Variants in ZNF845 observed in about 807,000 individuals in gnomAD.
ZNF845 encodes zinc finger protein 845.
Under a neutral mutation model 76.1 loss-of-function variants are expected in ZNF845, and 59 were observed. The observed-to-expected ratio is 0.78, with a 90% CI of 0.63 to 0.96. ZNF845 has a LOEUF of 0.96. ZNF845 is among the 40% of genes least tolerant of loss of function. The probability of loss-of-function intolerance (pLI) is 0.00; values close to 1 mark genes in which losing one functional copy is unlikely to be tolerated. For missense variants in ZNF845, 1,045 were observed against 1,172.8 expected, an observed-to-expected ratio of 0.89 and a Z score of 1.59; for synonymous variants, 361 against 386.9, an observed-to-expected ratio of 0.93 and a Z score of 0.78.
At chr19:53,338,993 G>A (rs1476733252) in intron 1 of ZNF845, among the ~76,000 whole-genome samples, 3 of 151,956 alleles carry the variant, frequency 2.0e-5, no homozygotes, top group Admixed American at 6.6e-5. Context: ...CCAGCTACTC[G>A]GGAAACTGAA....
chr19:53,345,670 T>G, intron 3 of ZNF845, 38 bp downstream of exon 3: 1 of 1,604,674 alleles, frequency 6.2e-7, no homozygotes, highest in Middle Eastern at 1.7e-4. Flanking sequence ...GGATGTGCCC[T>G]TGTGTATCTT....
At chr19:53,341,895 T>C (rs1419336931) in intron 2 of ZNF845, among the ~76,000 whole-genome samples, 1 of 152,156 alleles carries the variant, frequency 6.6e-6, no homozygotes, top group Non-Finnish European at 1.5e-5. Context: ...TCTTTAAGAA[T>C]AGGAAATCAA....
intron 3 of ZNF845, among the ~76,000 whole-genome samples, chr19:53,347,450 T>G (rs1341975505): frequency 5.9e-5 from 9 of 151,300 alleles, no homozygotes; most frequent in Middle Eastern, 3.4e-3. Context: ...CTGTTTTTTT[T>G]TTTTTTTTTC....
At chr19:53,344,354 A>G (rs2085278281) in intron 2 of ZNF845, among the ~76,000 whole-genome samples, 1 of 152,100 alleles carries the variant, frequency 6.6e-6, no homozygotes, top group South Asian at 2.1e-4. Context: ...CCTGGCCAAT[A>G]TGGTGAAACC....
intron 3 of ZNF845, among the ~76,000 whole-genome samples, chr19:53,350,556 C>A (rs1163287200): frequency 6.6e-6 from 1 of 152,120 alleles, no homozygotes; most frequent in Non-Finnish European, 1.5e-5. Flanking sequence ...TGGAAAAATA[C>A]TCCTTACTTT....
Position 53,352,041 on chromosome 19 carries a change from A to G in ZNF845, c.1366A>G (p.Arg456Gly), listed in dbSNP as rs1395751193. The G allele has an allele frequency of 1.9e-6, 3 of 1,613,622 alleles. No individual in the cohort carries two copies. Among genetic ancestry groups the G allele is most frequent in the Non-Finnish European group, 2.5e-6 (3 of 1,179,852 alleles). Residue 456 changes from arginine (R) to glycine (G), a missense_variant, in exon 4 of 4, where the codon AGA (arginine) becomes GGA (glycine). Arg to Gly is a moderately radical substitution (Grantham distance 125, BLOSUM62 -2). Coordinates refer to ENST00000458035, the MANE Select transcript of ZNF845 (RefSeq NM_138374.3). ...TTTCAGTTTCAAATCGAACCTTGAA[A>G]GACATAGGAGAATTCATACTGGAGA... Reference protein sequence around the residue: ...EAFSFKSNLERHRRIHTGEKP... With the variant: ...EAFSFKSNLEGHRRIHTGEKP...
chr19:53,345,405 C>T (rs1395790284), intron 2 of ZNF845, 101 bp from the exon 3 acceptor site: 2 of 1,597,104 alleles, frequency 1.3e-6, no homozygotes, highest in East Asian at 4.5e-5. Context: ...TCAGAACATT[C>T]ACTACAATTA....
Position 53,351,059 on chromosome 19 carries a change from A to C in ZNF845, c.384A>C (p.Gln128His). ...CGGGTAGTACAAACCGACATGATCA[A>C]AGGCATGCTGGAAACAAGCCTATTA... is the stretch of plus-strand genomic sequence containing the variant. ...QLTGSTNRHDQRHAGNKPIKD... is the reference protein window; with the variant it reads ...QLTGSTNRHDHRHAGNKPIKD... Residue 128 changes from glutamine (Q) to histidine (H), a missense_variant, in exon 4 of 4, where the codon CAA becomes CAC. Coordinates refer to ENST00000458035, the MANE Select transcript of ZNF845 (RefSeq NM_138374.3). 1 of 1,614,226 alleles carries C rather than the reference A, an allele frequency of 6.2e-7. No homozygotes were observed.
rs758468978 is a variant in ZNF845, at chr19:53,341,360, C to G, written c.15+38C>G. On this transcript the variant is annotated intron_variant, in intron 2 of 3. Coordinates refer to ENST00000458035, the MANE Select transcript of ZNF845 (RefSeq NM_138374.3). Reference sequence around the variant, plus strand: ...GTTGGGTGGATTGTTCTGTCTCCTTCCTCTCAGAAATCCTGGGCCTTGGAG... The same window carrying G: ...GTTGGGTGGATTGTTCTGTCTCCTTGCTCTCAGAAATCCTGGGCCTTGGAG... 9 of 1,613,156 alleles carry G rather than the reference C, an allele frequency of 5.6e-6. No homozygotes were observed. The Admixed American group carries it at 1.5e-4, about 27-fold the overall frequency.
chr19:53,351,237 A>G lies in ZNF845; in HGVS notation c.562A>G (p.Ile188Val), dbSNP rs145709331. The change falls in exon 4 of 4, where the codon ATT becomes GTT. Residue 188 changes from isoleucine to valine, a missense_variant. Coordinates refer to ENST00000458035, the MANE Select transcript of ZNF845 (RefSeq NM_138374.3). ...AATTTCTTGTAGGCCTAAAACCCAC[A>G]TTTCTAAGAACTATGGGAATAATTT... Reference protein sequence around the residue: ...QRISCRPKTHISKNYGNNFLN... With the variant: ...QRISCRPKTHVSKNYGNNFLN... 251 of 1,614,218 alleles carry G rather than the reference A, an allele frequency of 1.6e-4. No individual in the cohort carries two copies. In the African/African-American group the frequency reaches 3.1e-3, roughly 20 times the overall value.
At chr19:53,348,018 C>T (rs1038362308) in intron 3 of ZNF845, among the ~76,000 whole-genome samples, 63 of 152,136 alleles carry the variant, frequency 4.1e-4, no homozygotes, top group African/African-American at 1.3e-3. Flanking sequence ...GGTGAAATCC[C>T]GTCTCCACTA....
Position 53,352,413 on chromosome 19 carries a change from A to C in ZNF845, c.1738A>C (p.Lys580Gln), listed in dbSNP as rs919519311. Residue 580 changes from lysine to glutamine, a missense_variant, in exon 4 of 4, where the codon AAA becomes CAA. Coordinates refer to ENST00000458035, the MANE Select transcript of ZNF845 (RefSeq NM_138374.3). ...QAIHGIGKLY[K>Q]CNDCHQVFSN... ...AATCCATGGTATAGGGAAACTTTAC[A>C]AATGTAATGATTGTCACCAAGTCTT... 4.3e-6 allele frequency: 7 copies of C among 1,613,842 alleles called. No individual in the cohort carries two copies. Among genetic ancestry groups the C allele is most frequent in the Non-Finnish European group, 5.9e-6 (7 of 1,179,874 alleles).
chr19:53,343,862 C>T (rs115698692), intron 2 of ZNF845, among the ~76,000 whole-genome samples: 3,272 of 152,022 alleles, frequency 0.022, 73 homozygotes, highest in East Asian at 0.11. Context: ...ACTGTGCTGC[C>T]GAGGCTGGAG....
intron 2 of ZNF845, among the ~76,000 whole-genome samples, chr19:53,343,027 C>A (rs2085267754): frequency 6.6e-6 from 1 of 152,072 alleles, no homozygotes; most frequent in Non-Finnish European, 1.5e-5. Context: ...CCATGTTGGC[C>A]AGGCTGGTCT....
chr19:53,336,089 C>T (rs958730158), intron 1 of ZNF845, among the ~76,000 whole-genome samples: 13 of 149,734 alleles, frequency 8.7e-5, no homozygotes, highest in African/African-American at 2.9e-4. Context: ...GCATGCACCT[C>T]TAATTCCAGC....
chr19:53,355,123 G>C lies in ZNF845; in HGVS notation c.*1535G>C, dbSNP rs1004679920. ...GACGGGGTTTCACCATGTTGACCAG[G>C]TTTTTCTTGAACTCCTGACTTCAGG... On this transcript the variant is annotated 3_prime_UTR_variant, in exon 4 of 4. Transcript: ENST00000458035. 6.6e-6 allele frequency: 1 copy of C among 151,930 alleles called. No homozygotes were observed. Among genetic ancestry groups the C allele is most frequent in the African/African-American group, 2.4e-5 (1 of 41,310 alleles). The allele number at this position is 151,930 out of a possible 1,614,324, so 9.4% of individuals were successfully genotyped here. A position where few individuals can be genotyped will look rare whatever the true frequency, so the allele number is the denominator to read the frequency against.
chr19:53,346,424 T>G (rs1180529996), intron 3 of ZNF845: 9 of 398,036 alleles, frequency 2.3e-5, no homozygotes, highest in South Asian at 5.3e-5. Context: ...CTCATGCCTG[T>G]AATCCCGGCA....
intron 3 of ZNF845, among the ~76,000 whole-genome samples, chr19:53,347,927 C>T (rs575057563): frequency 3.3e-5 from 5 of 152,284 alleles, no homozygotes; most frequent in Admixed American, 6.5e-5. Context: ...CACAGACTCA[C>T]GCCTGTAATC....
chr19:53,348,593 T>G lies in ZNF845; in HGVS notation c.143-2225T>G, dbSNP rs559641091. 8.7e-4 allele frequency among the ~76,000 whole-genome samples: 132 copies of G among 152,322 alleles called. 1 individual carries two copies. Among genetic ancestry groups the G allele is most frequent in the Admixed American group, 2.5e-3 (39 of 15,300 alleles). ...GAGAATAAGAACTTTGAACCTGGCT[T>G]TTGGCCAATAAGAACATTCAGACCA... On this transcript the variant is annotated intron_variant, in intron 3 of 3. Transcript: ENST00000458035.
Sources: allele counts gnomAD v4.1 joint callset (sites outside exome capture counted in the v4.1 genomes callset), GRCh38; gene constraint gnomAD v4.1.1; transcripts MANE v1.5; gene names NCBI Gene and HGNC (gene_info 2026-07-23, HGNC 2026-07-21).